The following HDGFL2 variants were observed in gnomAD, a reference collection of about 807,000 sequenced individuals.
HDGFL2 encodes the protein HDGF like 2.
A neutral mutation model predicts 77.1 loss-of-function variants in HDGFL2; 36 were observed. The observed-to-expected ratio is 0.47, with a 90% confidence interval of 0.36 to 0.62. The LOEUF (loss-of-function observed/expected upper bound fraction) is 0.62, where lower values mean the gene tolerates loss of function less well. Among genes scored for constraint, HDGFL2 ranks in the 20% least tolerant of loss-of-function variants. The pLI is 0.00. For synonymous variants in HDGFL2, 463 were observed against 413.1 expected (o/e 1.12, Z -1.46); for missense variants, 976 against 973.4 (o/e 1.00, Z -0.04).
Position 4,491,774 on chromosome 19 carries a change from C to A in HDGFL2, c.617C>A (p.Pro206His). 6.2e-7 allele frequency: 1 copy of A among 1,614,062 alleles called. No homozygotes were observed. The highest frequency in any genetic ancestry group is 8.5e-7 in the Non-Finnish European group (1 of 1,180,024). The change falls in exon 6 of 16, where the codon CCT (proline) becomes CAT (histidine). Residue 206 changes from proline (P) to histidine (H), a missense_variant. By Grantham distance (77) the Pro-to-His change is moderately conservative. Around this residue, in one of 5 missense-constraint regions of HDGFL2, gnomAD observed 567 missense variants for 534.7 expected, o/e 1.06. Transcript: ENST00000616600. ...SEKTSDQDFT[P>H]EKKAAVRAPR... ...ACTTCTCTCCCCCAGGACTTCACAC[C>A]TGAGAAGAAAGCAGCGGTCCGGGCG...
Position 4,480,175 on chromosome 19 carries a change from G to A in HDGFL2, c.288+4592G>A, listed in dbSNP as rs553915475. 8.5e-5 allele frequency among the ~76,000 whole-genome samples: 13 copies of A among 152,244 alleles called. No individual in the cohort carries two copies. The South Asian group carries it at 2.7e-3, about 32-fold the overall frequency. On this transcript the variant is annotated intron_variant, in intron 3 of 15. Transcript: ENST00000616600. ...ATGTCTCTAGACATTTGACCTAGAAGGATCCCACCTAATACATCCTTGTTG... is the reference window on the plus strand; with the variant it reads ...ATGTCTCTAGACATTTGACCTAGAAAGATCCCACCTAATACATCCTTGTTG...
intron 9 of HDGFL2, among the ~76,000 whole-genome samples, chr19:4,495,143 T>C (rs1975667379): frequency 6.6e-6 from 1 of 152,062 alleles, no homozygotes; most frequent in South Asian, 2.1e-4. Context: ...ATCCCAGCAC[T>C]CTGGGAGGCC....
Position 4,497,971 on chromosome 19 carries a change from G to T in HDGFL2, c.1342G>T (p.Glu448Ter). ...ACTTCTCCACAGGCCCGTGAAGGTG[G>T]AGCGGACCCGGAAGCGGTCCGAGGG... Reference protein sequence around the residue: ...EKQQAKPVKVERTRKRSEGFS... With the variant: ...EKQQAKPVKV The change falls in exon 11 of 16, where the codon GAG becomes TAG. Residue 448 changes from glutamate (E) to a stop codon, truncating the protein, a stop_gained. Coordinates refer to ENST00000616600, the MANE Select transcript of HDGFL2 (RefSeq NM_001001520.3). LOFTEE classifies it high-confidence loss of function. 1 of 1,554,350 alleles carries T rather than the reference G, an allele frequency of 6.4e-7. No individual in the cohort carries two copies. The highest frequency in any genetic ancestry group is 8.7e-7 in the Non-Finnish European group (1 of 1,148,532).
chr19:4,500,750 T>G (rs551402559), intron 14 of HDGFL2, among the ~76,000 whole-genome samples: 1 of 152,108 alleles, frequency 6.6e-6, no homozygotes, highest in East Asian at 1.9e-4. Flanking sequence ...CGTGAGCCAC[T>G]GCGCCCTGCC....
At chr19:4,499,909 A>G (rs1327872756) in intron 14 of HDGFL2, among the ~76,000 whole-genome samples, 1 of 152,214 alleles carries the variant, frequency 6.6e-6, no homozygotes. Context: ...ACCGTGTGCC[A>G]GGCAGCCAGC....
At chr19:4,481,161 A>G (rs966207626) in intron 3 of HDGFL2, among the ~76,000 whole-genome samples, 1 of 142,940 alleles carries the variant, frequency 7.0e-6, no homozygotes, top group Non-Finnish European at 1.5e-5. Context: ...AGCTGGGACT[A>G]CAGGCGTCCC....
At chr19:4,472,586 G>C (rs1187628527) in intron 1 of HDGFL2, among the ~76,000 whole-genome samples, 164 bp downstream of exon 1, 1 of 150,706 alleles carries the variant, frequency 6.6e-6, no homozygotes, top group Non-Finnish European at 1.5e-5. Context: ...GACCCGCAGC[G>C]GCCCCGCCCT....
At chr19:4,491,890 C>T (rs1401904897) in intron 6 of HDGFL2, 55 bp downstream of exon 6, 2 of 1,497,794 alleles carry the variant, frequency 1.3e-6, no homozygotes, top group Non-Finnish European at 9.3e-7. Flanking sequence ...CCTCTGCGGT[C>T]TCCAGTGCTG....
chr19:4,480,111 C>T (rs554318806), intron 3 of HDGFL2, among the ~76,000 whole-genome samples: 1 of 152,164 alleles, frequency 6.6e-6, no homozygotes, highest in South Asian at 2.1e-4. Flanking sequence ...TCTGCTCACT[C>T]CATGCAAGGA....
In HDGFL2 at chr19:4,493,797, C is replaced by G; in HGVS notation, c.773C>G (p.Ser258Cys). The change falls in exon 7 of 16, where the codon TCC becomes TGC. Residue 258 changes from serine to cysteine, a missense_variant. Physicochemically the swap from Ser to Cys is moderately radical, Grantham distance 112. Around this residue, in one of 5 missense-constraint regions of HDGFL2, gnomAD observed 567 missense variants for 534.7 expected, o/e 1.06. Transcript: ENST00000616600. ...VAMARSASSS[S>C]SSSSSSDSDV... ...ATGGCGCGGTCGGCGTCCTCCTCCT[C>G]CTCTTCCTCCTCCTCCTCCGACTCC... 1 of 1,542,684 alleles carries G rather than the reference C, an allele frequency of 6.5e-7. No individual in the cohort carries two copies. Among genetic ancestry groups the G allele is most frequent in the South Asian group, 1.2e-5 (1 of 83,304 alleles).
chr19:4,489,629 C>T (rs1975456555), intron 4 of HDGFL2, among the ~76,000 whole-genome samples: 2 of 152,032 alleles, frequency 1.3e-5, no homozygotes, highest in African/African-American at 4.8e-5. Flanking sequence ...GTCTTGATCT[C>T]CTGACCTCAT....
At chr19:4,476,404 G>T (rs1975075120) in intron 3 of HDGFL2, among the ~76,000 whole-genome samples, 2 of 149,874 alleles carry the variant, frequency 1.3e-5, no homozygotes, top group Non-Finnish European at 1.5e-5. Flanking sequence ...TGTTGGCCAG[G>T]CTGGTCTCGA....
chr19:4,477,050 T>G (rs1335370140), intron 3 of HDGFL2, among the ~76,000 whole-genome samples: 3 of 152,090 alleles, frequency 2.0e-5, no homozygotes, highest in Admixed American at 6.6e-5. Flanking sequence ...GGCCCAGCCT[T>G]TGGCTTTTGC....
At chr19:4,486,527 A>C (rs1490710226) in intron 3 of HDGFL2, 2 of 136,904 alleles carry the variant, frequency 1.5e-5, no homozygotes, top group Non-Finnish European at 3.3e-5. Flanking sequence ...TTCCATCTCA[A>C]AAAAAAAAAA....
chr19:4,482,944 G>A (rs1191529533), intron 3 of HDGFL2, among the ~76,000 whole-genome samples: 1 of 152,116 alleles, frequency 6.6e-6, no homozygotes, highest in Non-Finnish European at 1.5e-5. Flanking sequence ...GACCAGGAAG[G>A]AGCCCGGGGC....
At chr19:4,481,794 C>A (rs1261939067) in intron 3 of HDGFL2, among the ~76,000 whole-genome samples, 3 of 152,078 alleles carry the variant, frequency 2.0e-5, no homozygotes, top group Non-Finnish European at 4.4e-5. Flanking sequence ...TTTGGTAGTG[C>A]TGACCCCTCA....
chr19:4,484,471 C>A (rs930168221), intron 3 of HDGFL2, among the ~76,000 whole-genome samples: 2 of 150,204 alleles, frequency 1.3e-5, no homozygotes. Context: ...CTAGTACATT[C>A]TCAGTGTACC....
chr19:4,486,573 C>G (rs1486826368), intron 3 of HDGFL2, among the ~76,000 whole-genome samples: 1 of 151,286 alleles, frequency 6.6e-6, no homozygotes, highest in Non-Finnish European at 1.5e-5. Context: ...AGCACGGTGG[C>G]TCACTCCTGT....
intron 3 of HDGFL2, among the ~76,000 whole-genome samples, chr19:4,485,239 A>C (rs1427509477): frequency 1.3e-5 from 2 of 152,184 alleles, no homozygotes; most frequent in Non-Finnish European, 2.9e-5. Context: ...TGGACATTTC[A>C]TAGAAATGGA....
Sources: gnomAD v4.1 joint callset for allele counts (sites outside exome capture counted in the v4.1 genomes callset) on GRCh38, gnomAD v4.1.1 for gene constraint, gnomAD v4.1.1 regional missense constraint, MANE v1.5 for transcripts, NCBI Gene and HGNC (gene_info 2026-07-23, HGNC 2026-07-21) for gene names.